OXR1: variants seen among roughly 807,000 people sequenced by gnomAD.
The protein encoded by OXR1 is oxidation resistance protein 1.
In OXR1, 41 loss-of-function variants were observed where a neutral mutation model predicts 104.6. The ratio of observed to expected loss-of-function variants is 0.39; its 90% CI spans 0.31 to 0.51. The LOEUF is 0.51. Ranked by LOEUF, OXR1 falls within the 20% of genes least tolerant of loss-of-function variation. The probability of loss-of-function intolerance (pLI) is 0.77; values close to 1 mark genes in which losing one functional copy is unlikely to be tolerated. For synonymous variants in OXR1, 348 were observed against 348.4 expected (o/e 1.00, Z 0.01); for missense variants, 955 against 1,031.9 (o/e 0.93, Z 1.02).
chr8:106,283,106 T>C (rs1371914017), intron 1 of OXR1, among the ~76,000 whole-genome samples: 1 of 152,202 alleles, frequency 6.6e-6, no homozygotes, highest in Non-Finnish European at 1.5e-5. Flanking sequence ...ACGCTTGTGC[T>C]TGATCTGCCA....
At chr8:106,674,908 G>T (rs1827409059) in intron 3 of OXR1, among the ~76,000 whole-genome samples, 1 of 152,132 alleles carries the variant, frequency 6.6e-6, no homozygotes. Context: ...GGAACTGTCA[G>T]TCAATTAAAC....
At chr8:106,612,648 G>T (rs1359316367) in intron 3 of OXR1, among the ~76,000 whole-genome samples, 1 of 151,974 alleles carries the variant, frequency 6.6e-6, no homozygotes, top group Non-Finnish European at 1.5e-5. Context: ...ATATGTTTAG[G>T]ACTGTATTAA....
chr8:106,703,040 T>G lies in OXR1; in HGVS notation c.810T>G (p.Ala270=). Residue 270 remains alanine (A), a synonymous_variant, in exon 8 of 17, where the codon GCT becomes GCG. Transcript: ENST00000517566. ...GTCCAATGGAAGAGGTGATGTCAGC[T>G]GCAATGTACAAAGAAATTTTGGATA... ...IMCPMEEVMS[A]AMYKEILDSK... 1 of 1,613,820 alleles carries G rather than the reference T, an allele frequency of 6.2e-7. No homozygotes were observed. Among genetic ancestry groups the G allele is most frequent in the Non-Finnish European group, 8.5e-7 (1 of 1,179,788 alleles).
intron 3 of OXR1, among the ~76,000 whole-genome samples, chr8:106,577,506 C>T (rs1169331597): frequency 2.0e-5 from 3 of 149,514 alleles, no homozygotes; most frequent in African/African-American, 4.9e-5. Flanking sequence ...TCTCCTGCCT[C>T]AACCTCCCGA....
chr8:106,719,830 G>A (rs997788122), intron 11 of OXR1, among the ~76,000 whole-genome samples: 2 of 151,578 alleles, frequency 1.3e-5, no homozygotes, highest in East Asian at 1.9e-4. Context: ...TTTTGAGATG[G>A]AGTCTCCGTC....
chr8:106,462,526 A>G (rs1213899912), intron 2 of OXR1, among the ~76,000 whole-genome samples: 1 of 152,168 alleles, frequency 6.6e-6, no homozygotes, highest in Non-Finnish European at 1.5e-5. Context: ...TAAAAGTCAA[A>G]TAAGAGCCTC....
intron 3 of OXR1, among the ~76,000 whole-genome samples, chr8:106,671,109 T>G (rs1295598394): frequency 7.0e-6 from 1 of 143,244 alleles, no homozygotes; most frequent in Non-Finnish European, 1.5e-5. Flanking sequence ...TAATTCAGAT[T>G]CAAGCATCCC....
chr8:106,700,603 C>T (rs1280326274), intron 7 of OXR1, among the ~76,000 whole-genome samples: 1 of 151,760 alleles, frequency 6.6e-6, no homozygotes, highest in African/African-American at 2.4e-5. Context: ...AAAAAGTAGA[C>T]TCATGGTTTT....
chr8:106,630,977 AG>A (rs759598188), intron 3 of OXR1, among the ~76,000 whole-genome samples: 12 of 152,158 alleles, frequency 7.9e-5, no homozygotes, highest in Non-Finnish European at 1.3e-4. Flanking sequence ...GAAAGAGATG[AG>A]GAATAGTTAC....
chr8:106,370,128 G>C (rs530766749), intron 2 of OXR1, among the ~76,000 whole-genome samples: 2 of 152,202 alleles, frequency 1.3e-5, no homozygotes, highest in Admixed American at 6.5e-5. Flanking sequence ...CTTCTTAGCT[G>C]TGTTTCTAGG....
intron 2 of OXR1, among the ~76,000 whole-genome samples, chr8:106,424,933 A>G (rs1819050811): frequency 1.3e-5 from 2 of 151,978 alleles, no homozygotes; most frequent in South Asian, 4.1e-4. Flanking sequence ...ACTCTCCTCA[A>G]GATTGAGTTA....
chr8:106,342,567 T>A (rs1815302642), intron 1 of OXR1, among the ~76,000 whole-genome samples: 1 of 151,992 alleles, frequency 6.6e-6, no homozygotes, highest in Non-Finnish European at 1.5e-5. Flanking sequence ...TCTTTTCATC[T>A]TTTATGTATT....
rs190817439 is a variant in OXR1 at position 106,551,602 on chromosome 8, G to A, written c.220+32463G>A. ...GAGAGGATGAGAGGGACTTCCTGGG[G>A]ATGTTTCTTTGTTTCTCTGCTAACT... On this transcript the variant is annotated intron_variant, in intron 3 of 16. Transcript: ENST00000517566. Among the ~76,000 whole-genome samples the A allele has an allele frequency of 9.2e-5, 14 of 151,876 alleles. No individual in the cohort carries two copies. The East Asian group carries it at 2.7e-3, about 29-fold the overall frequency.
At chr8:106,660,481 T>C (rs1825648564) in intron 3 of OXR1, among the ~76,000 whole-genome samples, 1 of 152,230 alleles carries the variant, frequency 6.6e-6, no homozygotes, top group African/African-American at 2.4e-5. Context: ...GTATTTCTTG[T>C]TACAGATACT....
Position 106,489,728 on chromosome 8 carries a change from A to T in OXR1, c.24-29215A>T, listed in dbSNP as rs569049186. On this transcript the variant is annotated intron_variant, in intron 2 of 16. Coordinates refer to ENST00000517566, the MANE Select transcript of OXR1 (RefSeq NM_001198533.2). ...TTTGAAATAGTCTTCTGTACTTATC[A>T]TGTTTAGTTTTATGAAAAATACTTG... 6.1e-5 allele frequency among the ~76,000 whole-genome samples: 9 copies of T among 148,460 alleles called. No individual in the cohort carries two copies. The East Asian group carries it at 9.1e-4, about 15-fold the overall frequency.
intron 1 of OXR1, among the ~76,000 whole-genome samples, chr8:106,291,912 A>C (rs903677416): frequency 5.9e-5 from 9 of 151,962 alleles, no homozygotes. Context: ...CAAGGGAAAA[A>C]CCCACCTCCA....
chr8:106,740,600 TTAAC>T (rs1431387400), intron 14 of OXR1, 105 bp downstream of exon 14: 1 of 923,512 alleles, frequency 1.1e-6, no homozygotes, highest in Non-Finnish European at 1.7e-6. Context: ...ATTTTATTGT[TTAAC>T]TGATAATTAC....
At chr8:106,731,756 C>A (rs1044280320) in intron 11 of OXR1, among the ~76,000 whole-genome samples, 1 of 152,078 alleles carries the variant, frequency 6.6e-6, no homozygotes, top group Non-Finnish European at 1.5e-5. Flanking sequence ...TTTGTCAGTT[C>A]TTTTGCCAAA....
At chr8:106,462,632 A>G (rs888229222) in intron 2 of OXR1, among the ~76,000 whole-genome samples, 3 of 152,162 alleles carry the variant, frequency 2.0e-5, no homozygotes, top group African/African-American at 4.8e-5. Flanking sequence ...AAAACTAATT[A>G]ATATATTCAA....
Sources: allele counts gnomAD v4.1 joint callset (sites outside exome capture counted in the v4.1 genomes callset), GRCh38; gene constraint gnomAD v4.1.1; transcripts MANE v1.5; gene names NCBI Gene and HGNC (gene_info 2026-07-23, HGNC 2026-07-21).